Variants in RBFOX1 observed in about 807,000 individuals in gnomAD.
RBFOX1 encodes RNA binding fox-1 homolog 1.
In RBFOX1, 8 loss-of-function variants were observed where a neutral mutation model predicts 57.7. The ratio of observed to expected loss-of-function variants is 0.14; its 90% confidence interval spans 0.08 to 0.25. The LOEUF (loss-of-function observed/expected upper bound fraction) is 0.25, where lower values mean the gene tolerates loss of function less well. Ranked by LOEUF, RBFOX1 falls within the 10% of genes least tolerant of loss-of-function variation. The probability of loss-of-function intolerance (pLI) is 1.00; values close to 1 mark genes in which losing one functional copy is unlikely to be tolerated. For missense variants in RBFOX1, 611 were observed against 548.5 expected (o/e 1.11, Z -1.14); for synonymous variants, 326 against 222.4 (o/e 1.47, Z -4.15).
chr16:6,664,057 T>C (rs2098717357), intron 3 of RBFOX1, among the ~76,000 whole-genome samples: 1 of 152,164 alleles, frequency 6.6e-6, no homozygotes, highest in African/African-American at 2.4e-5. Context: ...TGAGAAATGG[T>C]CAGGTGTGTA....
intron 2 of RBFOX1, among the ~76,000 whole-genome samples, chr16:6,649,030 T>A (rs575171967): frequency 6.6e-5 from 10 of 152,186 alleles, no homozygotes; most frequent in Admixed American, 5.9e-4. Context: ...GTAGTCACCA[T>A]GTTGTATAAT....
chr16:5,972,793 C>T (rs1199943022), intron 4 of RBFOX1, among the ~76,000 whole-genome samples: 1 of 152,198 alleles, frequency 6.6e-6, no homozygotes, highest in Non-Finnish European at 1.5e-5. Context: ...CTGTTTGCCA[C>T]CTTCCTGGGC....
At chr16:6,704,493 G>A (rs1259799575) in intron 3 of RBFOX1, 5 of 152,262 alleles carry the variant, frequency 3.3e-5, no homozygotes, top group African/African-American at 9.7e-5. Context: ...AGCAAACCCA[G>A]AGGCCATTGC....
intron 4 of RBFOX1, among the ~76,000 whole-genome samples, chr16:7,088,032 A>G (rs558175968): frequency 1.3e-5 from 2 of 152,186 alleles, no homozygotes; most frequent in East Asian, 1.9e-4. Flanking sequence ...GGTATAGTAC[A>G]TGTGCTCGCA....
intron 3 of RBFOX1, among the ~76,000 whole-genome samples, chr16:5,828,674 G>A (rs1016684825): frequency 6.6e-6 from 1 of 152,008 alleles, no homozygotes; most frequent in Non-Finnish European, 1.5e-5. Flanking sequence ...AGTCCAGCCT[G>A]GTGAGCGAGA....
chr16:6,580,096 T>C (rs558771789), intron 2 of RBFOX1, among the ~76,000 whole-genome samples: 10 of 152,034 alleles, frequency 6.6e-5, no homozygotes, highest in Middle Eastern at 3.4e-3. Flanking sequence ...GTAGCTGGGA[T>C]TACAGGTGCC....
intron 3 of RBFOX1, among the ~76,000 whole-genome samples, chr16:7,012,264 T>C (rs977800138): frequency 6.6e-6 from 1 of 152,184 alleles, no homozygotes; most frequent in Admixed American, 6.5e-5. Context: ...TTTCCCAGTT[T>C]TAAAGATACA....
intron 2 of RBFOX1, among the ~76,000 whole-genome samples, chr16:6,504,480 A>G (rs1341215826): frequency 3.3e-5 from 5 of 152,232 alleles, no homozygotes; most frequent in South Asian, 4.1e-4. Flanking sequence ...GAAAATTTGC[A>G]TGAGACCTTT....
intron 4 of RBFOX1, among the ~76,000 whole-genome samples, chr16:7,223,785 C>T (rs2092909533): frequency 1.3e-5 from 2 of 149,048 alleles, no homozygotes; most frequent in Admixed American, 1.3e-4. Context: ...GTTTTCATTT[C>T]TGTCTGATAG....
intron 3 of RBFOX1, among the ~76,000 whole-genome samples, chr16:6,877,376 A>G (rs190791309): frequency 1.3e-5 from 2 of 152,206 alleles, no homozygotes; most frequent in Non-Finnish European, 2.9e-5. Context: ...TTCTCTAATA[A>G]CTGACATAAC....
At chr16:5,948,139 A>T (rs13333111) in intron 4 of RBFOX1, among the ~76,000 whole-genome samples, 9 of 151,914 alleles carry the variant, frequency 5.9e-5, no homozygotes, top group African/African-American at 1.9e-4. Flanking sequence ...GACAGGGGTG[A>T]CTCTTTCCCT....
chr16:6,606,766 A>G (rs557996936), intron 2 of RBFOX1, among the ~76,000 whole-genome samples: 1 of 152,260 alleles, frequency 6.6e-6, no homozygotes, highest in Non-Finnish European at 1.5e-5. Flanking sequence ...ATTGATGGGC[A>G]TTTTGGTTGA....
chr16:6,910,906 A>G lies in RBFOX1; in HGVS notation c.-15-141151A>G, dbSNP rs941178595. Among the ~76,000 whole-genome samples, 4 of 152,228 alleles carry G rather than the reference A, an allele frequency of 2.6e-5. No homozygotes were observed. The East Asian group carries it at 7.7e-4, about 29-fold the overall frequency. Reference sequence around the variant, plus strand: ...GCCTTCCTTGCTAATCTCTGTTAGTAAAGAGGAAGGAGGGTCAGGTGCAGA... The same window carrying G: ...GCCTTCCTTGCTAATCTCTGTTAGTGAAGAGGAAGGAGGGTCAGGTGCAGA... On this transcript the variant is annotated intron_variant, in intron 3 of 15. Transcript: ENST00000550418.
At chr16:6,814,075 T>C (rs1417485061) in intron 3 of RBFOX1, among the ~76,000 whole-genome samples, 1 of 152,204 alleles carries the variant, frequency 6.6e-6, no homozygotes, top group East Asian at 1.9e-4. Flanking sequence ...AGCAGATGTA[T>C]AATTTCTCTC....
At chr16:7,213,254 A>G (rs74945737) in intron 4 of RBFOX1, among the ~76,000 whole-genome samples, 2,069 of 152,276 alleles carry the variant, frequency 0.014, 52 homozygotes, top group African/African-American at 0.048. Context: ...CCCCTTTATC[A>G]GTGGTTCCCC....
At chr16:6,867,440 C>T (rs999825774) in intron 3 of RBFOX1, among the ~76,000 whole-genome samples, 1 of 151,346 alleles carries the variant, frequency 6.6e-6, no homozygotes, top group African/African-American at 2.4e-5. Context: ...GAAAGGGGGC[C>T]GGGTGTGGGG....
intron 3 of RBFOX1, among the ~76,000 whole-genome samples, chr16:6,692,408 A>T (rs2154133716): frequency 6.6e-6 from 1 of 152,250 alleles, no homozygotes; most frequent in African/African-American, 2.4e-5. Flanking sequence ...AGTTCCTCTC[A>T]TTTAAATCCA....
chr16:7,450,188 G>A (rs996176650), intron 4 of RBFOX1, among the ~76,000 whole-genome samples: 2 of 152,030 alleles, frequency 1.3e-5, no homozygotes, highest in African/African-American at 4.8e-5. Flanking sequence ...AAGGTCAGGG[G>A]ATCGAGATCA....
At chr16:6,404,749 C>T (rs914370171) in intron 2 of RBFOX1, among the ~76,000 whole-genome samples, 1 of 152,082 alleles carries the variant, frequency 6.6e-6, no homozygotes, top group Non-Finnish European at 1.5e-5. Flanking sequence ...GATCTCAGCT[C>T]CCTTATGAGA....
Sources: gnomAD v4.1 joint callset for allele counts (sites outside exome capture counted in the v4.1 genomes callset) on GRCh38, gnomAD v4.1.1 for gene constraint, MANE v1.5 for transcripts, NCBI Gene and HGNC (gene_info 2026-07-23, HGNC 2026-07-21) for gene names.